LRRC8E: variants seen among roughly 807,000 people sequenced by gnomAD.
LRRC8E encodes the protein leucine rich repeat containing 8 VRAC subunit E.
A neutral mutation model predicts 6.1 loss-of-function variants in LRRC8E; 6 were observed. That is an observed-to-expected ratio of 0.98 (90% confidence interval 0.54 to 1.93). The LOEUF (loss-of-function observed/expected upper bound fraction) is 1.93, where lower values mean the gene tolerates loss of function less well. LRRC8E is among the 30% of genes most tolerant of loss of function. The pLI is 0.01. For synonymous variants in LRRC8E, 485 were observed against 472.8 expected (o/e 1.03, Z -0.33); for missense variants, 1,028 against 1,031.4 (o/e 1.00, Z 0.04).
Position 7,899,560 on chromosome 19 carries a change from C to A in LRRC8E, c.1038C>A (p.Ser346=), listed in dbSNP as rs147820079. ...CCCTCAAGGAGTACTCCTTCCGTTCCGTGCGGGAGGAGACTGGCATGGGGG... is the reference window on the plus strand; with the variant it reads ...CCCTCAAGGAGTACTCCTTCCGTTCAGTGCGGGAGGAGACTGGCATGGGGG... ...HRPLKEYSFR[S]VREETGMGDI... The change falls in exon 3 of 3, where the codon TCC becomes TCA. Residue 346 remains serine, a synonymous_variant. Coordinates refer to ENST00000306708, the MANE Select transcript of LRRC8E (RefSeq NM_025061.6). 2.5e-6 allele frequency: 4 copies of A among 1,613,834 alleles called. No homozygotes were observed. Among genetic ancestry groups the A allele is most frequent in the East Asian group, 2.2e-5 (1 of 44,902 alleles).
intron 2 of LRRC8E, among the ~76,000 whole-genome samples, chr19:7,897,089 T>C (rs1981634367): frequency 6.6e-6 from 1 of 152,144 alleles, no homozygotes; most frequent in Non-Finnish European, 1.5e-5. Context: ...TGAGGGAGAA[T>C]CTTCCAAGCT....
chr19:7,900,788 C>G lies in LRRC8E; in HGVS notation c.2266C>G (p.Arg756Gly). Residue 756 changes from arginine to glycine, a missense_variant, in exon 3 of 3, where the codon CGC becomes GGC. Transcript: ENST00000306708. This position sits in a 1 kb window ranked among gnomAD's most constrained non-coding sequence, Gnocchi z 5.0. ...CAGCCGCCTGGAGCTCAAAGGCAAC[C>G]GCTTAGAGGCGCTGCCAGAAGAACT... ...ALSRLELKGN[R>G]LEALPEELGN... 6.2e-7 allele frequency: 1 copy of G among 1,602,302 alleles called. No homozygotes were observed. The highest frequency in any genetic ancestry group is 1.1e-5 in the South Asian group (1 of 90,420).
intron 1 of LRRC8E, among the ~76,000 whole-genome samples, chr19:7,893,172 A>G (rs7246366): frequency 0.091 from 13,775 of 152,056 alleles, 1,100 homozygotes; most frequent in African/African-American, 0.21. Flanking sequence ...ACGCCCAGCT[A>G]ATTTTTTGTA....
At position 7,895,754 on chromosome 19, in the gene LRRC8E, C is replaced by T. The variant is rs939108609; in HGVS notation, c.138+13C>T. ...CTGCACCCTCCAGGTGAGGCCCTCC[C>T]CTGGCAAGGGGGTGTGACCAGAGGG... On this transcript the variant is annotated intron_variant, in intron 2 of 2. Coordinates refer to ENST00000306708, the MANE Select transcript of LRRC8E (RefSeq NM_025061.6). This position sits in a 1 kb window ranked among gnomAD's most constrained non-coding sequence, Gnocchi z 4.7. 6.8e-6 allele frequency: 11 copies of T among 1,610,670 alleles called. No homozygotes were observed. The highest frequency in any genetic ancestry group is 9.3e-6 in the Non-Finnish European group (11 of 1,177,266).
chr19:7,897,164 TTC>T (rs1275161090), intron 2 of LRRC8E, among the ~76,000 whole-genome samples: 2 of 128,074 alleles, frequency 1.6e-5, no homozygotes, highest in African/African-American at 3.0e-5. Flanking sequence ...CCCAGTATTT[TTC>T]TTTTTCTTTT....
chr19:7,901,162 A>G lies in LRRC8E; in HGVS notation c.*249A>G, dbSNP rs1033954538. On this transcript the variant is annotated 3_prime_UTR_variant, in exon 3 of 3. Transcript: ENST00000306708. ...AACTCAGTCATGGCATTCTCCGACC[A>G]AAACCACACCTGTGTCTCTGGCAGG... is the stretch of plus-strand genomic sequence containing the variant. The G allele has an allele frequency of 1.3e-5, 5 of 382,462 alleles. No individual in the cohort carries two copies. The highest frequency in any genetic ancestry group is 1.0e-4 in the African/African-American group (5 of 48,726). The allele number at this position is 382,462 out of a possible 1,614,324, so 23.7% of individuals were successfully genotyped here.
chr19:7,889,133 ACCCTCAGTTTCT>A (rs1401673167), intron 1 of LRRC8E, among the ~76,000 whole-genome samples: 5 of 151,758 alleles, frequency 3.3e-5, no homozygotes, highest in Non-Finnish European at 7.4e-5. Flanking sequence ...CCCACCCTAG[ACCCTCAGTTTCT>A]CCCTTGCATA....
intron 1 of LRRC8E, among the ~76,000 whole-genome samples, chr19:7,894,767 T>C (rs2145101038): frequency 6.6e-6 from 1 of 152,316 alleles, no homozygotes; most frequent in Middle Eastern, 3.4e-3. Flanking sequence ...AAGGAGACCC[T>C]GGGAACAGAC....
At chr19:7,890,418 T>C (rs1981243846) in intron 1 of LRRC8E, among the ~76,000 whole-genome samples, 1 of 151,932 alleles carries the variant, frequency 6.6e-6, no homozygotes. Flanking sequence ...TGAGATAGAG[T>C]CTTGCTCTGT....
At position 7,900,199 on chromosome 19, in the gene LRRC8E, C is replaced by T; in HGVS notation, c.1677C>T (p.His559=). The change falls in exon 3 of 3, where the codon CAC becomes CAT. Residue 559 remains histidine, a synonymous_variant. Coordinates refer to ENST00000306708, the MANE Select transcript of LRRC8E (RefSeq NM_025061.6). This position sits in a 1 kb window ranked among gnomAD's most constrained non-coding sequence, Gnocchi z 5.0. The part of the protein sequence containing the change: ...VPASVTDVAG[H]LQRLSLHNDG... ...CCAGTGTGACCGACGTTGCTGGCCACCTGCAGAGGCTCAGCCTGCACAACG... is the reference window on the plus strand; with the variant it reads ...CCAGTGTGACCGACGTTGCTGGCCATCTGCAGAGGCTCAGCCTGCACAACG... The T allele has an allele frequency of 1.2e-6, 2 of 1,612,976 alleles. No homozygotes were observed. The highest frequency in any genetic ancestry group is 1.7e-6 in the Non-Finnish European group (2 of 1,179,846).
intron 2 of LRRC8E, among the ~76,000 whole-genome samples, chr19:7,896,240 C>T (rs1429170472): frequency 2.0e-5 from 3 of 150,832 alleles, no homozygotes; most frequent in Admixed American, 6.6e-5. Flanking sequence ...GCACCTGACC[C>T]TTTCTTTTTT....
chr19:7,895,530 A>G lies in LRRC8E; in HGVS notation c.-5-69A>G, dbSNP rs1981531636. ...GGCCTGCCTGTGTCCGGCTCCTCGG[A>G]GGACCCCCTGCAGAGCCTCCCATCC... On this transcript the variant is annotated intron_variant, in intron 1 of 2. Transcript: ENST00000306708. This position sits in a 1 kb window ranked among gnomAD's most constrained non-coding sequence, Gnocchi z 4.7. 1.9e-6 allele frequency: 3 copies of G among 1,569,370 alleles called. No homozygotes were observed. The highest frequency in any genetic ancestry group is 2.6e-6 in the Non-Finnish European group (3 of 1,146,598).
chr19:7,898,903 C>T lies in LRRC8E; in HGVS notation c.381C>T (p.Leu127=). Residue 127 remains leucine, a synonymous_variant, in exon 3 of 3, where the codon CTC becomes CTT. Coordinates refer to ENST00000306708, the MANE Select transcript of LRRC8E (RefSeq NM_025061.6). ...CTTACCTCGTGGTCATTCACACACT[C>T]ATCTTCATGGTCTGCACCAGTTTCT... ...YFPYLVVIHT[L]IFMVCTSFWF... The T allele has an allele frequency of 1.9e-6, 3 of 1,614,232 alleles. No homozygotes were observed. The highest frequency in any genetic ancestry group is 2.2e-5 in the South Asian group (2 of 91,086).
At chr19:7,891,026 C>T (rs964374554) in intron 1 of LRRC8E, among the ~76,000 whole-genome samples, 9 of 152,138 alleles carry the variant, frequency 5.9e-5, no homozygotes, top group Non-Finnish European at 1.2e-4. Context: ...GAGGCTGTCT[C>T]CCAAGAGGGA....
At chr19:7,897,884 A>G (rs1272777141) in intron 2 of LRRC8E, among the ~76,000 whole-genome samples, 1 of 151,912 alleles carries the variant, frequency 6.6e-6, no homozygotes, top group Non-Finnish European at 1.5e-5. Context: ...TTTTGTGGGG[A>G]CACGATTCAA....
chr19:7,889,311 G>A (rs1191293039), intron 1 of LRRC8E, among the ~76,000 whole-genome samples: 2 of 152,158 alleles, frequency 1.3e-5, no homozygotes, highest in Non-Finnish European at 2.9e-5. Flanking sequence ...AATTAGTGGC[G>A]TGTCCCTGTA....
Position 7,898,509 on chromosome 19 carries a change from A to ATG in LRRC8E, c.139-152_139-151insTG, listed in dbSNP as rs1981724719. On this transcript the variant is annotated intron_variant, in intron 2 of 2. Transcript: ENST00000306708. The stretch of plus-strand genomic sequence containing the variant: ...CGAGTAGCTGGGATTACAGGTGCCC[A>ATG]CCACCATGCCCGGCTAATTTTGTAT... 1.8e-5 allele frequency: 12 copies of ATG among 676,200 alleles called. No individual in the cohort carries two copies. The East Asian group carries it at 3.1e-4, about 17-fold the overall frequency. 41.9% of individuals were successfully genotyped at this position (676,200 alleles called of 1,614,324 possible).
intron 1 of LRRC8E, among the ~76,000 whole-genome samples, chr19:7,892,308 G>A (rs573204742): frequency 1.8e-3 from 264 of 150,820 alleles, no homozygotes; most frequent in Middle Eastern, 3.5e-3. Flanking sequence ...TCCTGACCTC[G>A]TGATCCACCC....
In LRRC8E at chr19:7,900,521, ACC is replaced by A. The variant is rs749478672; in HGVS notation, c.2001_2002del (p.Leu668AlafsTer138). The A allele has an allele frequency of 6.2e-7, 1 of 1,612,804 alleles. No homozygotes were observed. Among genetic ancestry groups the A allele is most frequent in the African/African-American group, 1.3e-5 (1 of 74,876 alleles). ...CTACCTCAGCTACAACAAGCTGGAG[ACC>A]CTGCCCTCCCAGCTCGGCCTGTGCT... ...QLYLSYNKLE[T>X]LPSQLGLCSG... On this transcript the variant is annotated frameshift_variant, in exon 3 of 3. Transcript: ENST00000306708. LOFTEE classifies it low-confidence loss of function (END_TRUNC). This position sits in a 1 kb window ranked among gnomAD's most constrained non-coding sequence, Gnocchi z 5.0.
Sources: allele counts gnomAD v4.1 joint callset (sites outside exome capture counted in the v4.1 genomes callset), GRCh38; gene constraint gnomAD v4.1.1; non-coding constraint Gnocchi (gnomAD v3.1); transcripts MANE v1.5; gene names NCBI Gene and HGNC (gene_info 2026-07-23, HGNC 2026-07-21).